EPB41L3: variants seen among roughly 807,000 people sequenced by gnomAD.
EPB41L3 encodes the protein band 4.1-like protein 3.
Under a neutral mutation model 127.1 loss-of-function variants are expected in EPB41L3, and 57 were observed. The observed-to-expected ratio is 0.45, with a 90% CI of 0.36 to 0.56. The LOEUF (loss-of-function observed/expected upper bound fraction) is 0.56, where lower values mean the gene tolerates loss of function less well. Among genes scored for constraint, EPB41L3 ranks in the 20% least tolerant of loss-of-function variants. EPB41L3 has a pLI of 0.00. For synonymous variants in EPB41L3, 572 were observed against 549.5 expected (o/e 1.04, Z -0.57); for missense variants, 1,273 against 1,372.2 (o/e 0.93, Z 1.14).
intron 3 of EPB41L3, among the ~76,000 whole-genome samples, chr18:5,599,784 G>C (rs961639388): frequency 1.3e-5 from 2 of 152,118 alleles, no homozygotes; most frequent in Non-Finnish European, 2.9e-5. Context: ...CCTGCAGAAT[G>C]ATGAGCCAAT....
At chr18:5,527,011 A>T (rs1416941566) in intron 1 of EPB41L3, among the ~76,000 whole-genome samples, 4 of 76,748 alleles carry the variant, frequency 5.2e-5, no homozygotes, top group African/African-American at 2.2e-4. Context: ...TTCATTGGTT[A>T]AAAAAAAAAA....
chr18:5,560,984 TTTATTTA>T (rs1316725420), intron 3 of EPB41L3, among the ~76,000 whole-genome samples: 2 of 77,368 alleles, frequency 2.6e-5, no homozygotes, highest in African/African-American at 7.2e-5. Context: ...TATTTATTTA[TTTATTTA>T]TTTTGAGATG....
intron 1 of EPB41L3, among the ~76,000 whole-genome samples, chr18:5,495,599 C>A: frequency 7.0e-6 from 1 of 143,668 alleles, no homozygotes; most frequent in Non-Finnish European, 1.5e-5. Context: ...GAACACTTGT[C>A]TGATTAAAAA....
At chr18:5,544,869 C>A, upstream of EPB41L3, among the ~76,000 whole-genome samples, 1 of 152,104 alleles carries the variant, frequency 6.6e-6, no homozygotes, top group Admixed American at 6.5e-5. Flanking sequence ...TTACACATTG[C>A]ATGCCTGTAT....
At chr18:5,607,871 T>C (rs964599039) in intron 3 of EPB41L3, among the ~76,000 whole-genome samples, 2 of 151,576 alleles carry the variant, frequency 1.3e-5, no homozygotes, top group Admixed American at 6.6e-5. Flanking sequence ...AAACATTATC[T>C]GGGATGCACC....
Position 5,407,030 on chromosome 18 carries a change from TTTTG to T in EPB41L3, c.2158-66_2158-63del, listed in dbSNP as rs1307027132. Reference sequence around the variant, plus strand: ...TTTACATTTGTGTTCCTTTCAGCTCTTTTGTTTGCTTTAAAAGTAATGTCAATCT... The same window carrying T: ...TTTACATTTGTGTTCCTTTCAGCTCTTTTGCTTTAAAAGTAATGTCAATCT... On this transcript the variant is annotated intron_variant, in intron 15 of 22. Coordinates refer to ENST00000341928, the MANE Select transcript of EPB41L3 (RefSeq NM_012307.5). 4 of 1,491,088 alleles carry T rather than the reference TTTTG, an allele frequency of 2.7e-6. No individual in the cohort carries two copies. In the African/African-American group the frequency reaches 4.2e-5, roughly 16 times the overall value. The allele number at this position is 1,491,088 out of a possible 1,614,324, so 92.4% of individuals were successfully genotyped here.
At chr18:5,418,919 C>T (rs2077137845) in intron 12 of EPB41L3, among the ~76,000 whole-genome samples, 1 of 152,142 alleles carries the variant, frequency 6.6e-6, no homozygotes, top group Non-Finnish European at 1.5e-5. Flanking sequence ...TTTCATTCTG[C>T]TATTTCCTCT....
intron 1 of EPB41L3, among the ~76,000 whole-genome samples, chr18:5,513,523 G>A (rs572654258): frequency 5.9e-5 from 9 of 152,094 alleles, no homozygotes; most frequent in Non-Finnish European, 1.2e-4. Context: ...ATTGGTCTTC[G>A]CCTATTATAG....
intron 1 of EPB41L3, among the ~76,000 whole-genome samples, chr18:5,538,043 A>G (rs958804197): frequency 6.6e-6 from 1 of 152,254 alleles, no homozygotes; most frequent in Non-Finnish European, 1.5e-5. Context: ...CATGTTGTAT[A>G]GCACTCTGCC....
At chr18:5,399,143 G>A (rs952897921) in intron 16 of EPB41L3, 9 of 398,894 alleles carry the variant, frequency 2.3e-5, no homozygotes, top group Non-Finnish European at 3.5e-5. Context: ...CAATTCTCCC[G>A]GAGACAGTGT....
chr18:5,518,600 G>A (rs1180402560), intron 1 of EPB41L3: 2 of 152,230 alleles, frequency 1.3e-5, no homozygotes, highest in African/African-American at 4.8e-5. Flanking sequence ...CTAGAAGAAT[G>A]CCTGGGACTT....
intron 3 of EPB41L3, among the ~76,000 whole-genome samples, chr18:5,566,788 T>TATTCCATTCC (rs796587423): frequency 0.078 from 8,688 of 110,936 alleles, 661 homozygotes; most frequent in Non-Finnish European, 0.099. Context: ...TATTCTATTC[T>TATTCCATTCC]ATTCCATTCC....
At chr18:5,480,683 C>T (rs1379308962) in intron 2 of EPB41L3, among the ~76,000 whole-genome samples, 1 of 152,152 alleles carries the variant, frequency 6.6e-6, no homozygotes. Flanking sequence ...TGGGGACTTG[C>T]GTGAGTTCTC....
intron 16 of EPB41L3, chr18:5,401,129 A>G (rs957930078): frequency 5.2e-5 from 36 of 687,858 alleles, no homozygotes; most frequent in Non-Finnish European, 8.8e-5. Context: ...CTTTCATTGT[A>G]TTATCTCTAT....
chr18:5,582,787 T>C (rs1284138104), intron 3 of EPB41L3, among the ~76,000 whole-genome samples: 1 of 152,224 alleles, frequency 6.6e-6, no homozygotes, highest in Non-Finnish European at 1.5e-5. Flanking sequence ...TGTAAATATT[T>C]TAACCTCTCA....
intron 1 of EPB41L3, among the ~76,000 whole-genome samples, chr18:5,534,159 T>C (rs1468188428): frequency 6.6e-6 from 1 of 152,024 alleles, no homozygotes; most frequent in East Asian, 1.9e-4. Flanking sequence ...CGAGACTCCG[T>C]CTCAAAAAAA....
chr18:5,554,043 T>G (rs1598933105), intron 3 of EPB41L3, among the ~76,000 whole-genome samples: 2 of 152,212 alleles, frequency 1.3e-5, no homozygotes, highest in East Asian at 3.9e-4. Context: ...ATACTAATGC[T>G]CTTGCCTACT....
chr18:5,522,623 T>G (rs2093041248), intron 1 of EPB41L3, among the ~76,000 whole-genome samples: 1 of 152,226 alleles, frequency 6.6e-6, no homozygotes, highest in African/African-American at 2.4e-5. Flanking sequence ...CTTCATGCCA[T>G]AAAATTTCAT....
At chr18:5,496,125 G>A (rs2091151603) in intron 1 of EPB41L3, among the ~76,000 whole-genome samples, 2 of 152,202 alleles carry the variant, frequency 1.3e-5, no homozygotes, top group African/African-American at 4.8e-5. Flanking sequence ...AATAGATTGG[G>A]AAAATCTGGT....
Sources: gnomAD v4.1 joint callset for allele counts (sites outside exome capture counted in the v4.1 genomes callset) on GRCh38, gnomAD v4.1.1 for gene constraint, MANE v1.5 for transcripts, NCBI Gene and HGNC (gene_info 2026-07-23, HGNC 2026-07-21) for gene names.